The following NTNG1 variants were observed in gnomAD, a reference collection of about 807,000 sequenced individuals.
The protein encoded by NTNG1 is netrin G1.
Under a neutral mutation model 54.0 loss-of-function variants are expected in NTNG1, and 16 were observed. That is an observed-to-expected ratio of 0.30 (90% CI 0.20 to 0.45). The LOEUF is 0.45. Ranked by LOEUF, NTNG1 falls within the 20% of genes least tolerant of loss-of-function variation. The pLI is 1.00. For missense variants in NTNG1, 530 were observed against 678.7 expected (o/e 0.78, Z 2.43); for synonymous variants, 255 against 263.1 (o/e 0.97, Z 0.30).
intron 7 of NTNG1, among the ~76,000 whole-genome samples, chr1:107,472,320 C>T (rs1018865289): frequency 4.6e-5 from 7 of 152,180 alleles, no homozygotes; most frequent in African/African-American, 2.4e-5. Flanking sequence ...ATTTCTAACA[C>T]TTTGCCTTCA....
chr1:107,279,417 A>T (rs1385171416), intron 2 of NTNG1, among the ~76,000 whole-genome samples: 1 of 152,164 alleles, frequency 6.6e-6, no homozygotes, highest in Non-Finnish European at 1.5e-5. Context: ...AAAATTATTT[A>T]ACAACTAGCG....
At chr1:107,380,732 G>T (rs548261503) in intron 3 of NTNG1, among the ~76,000 whole-genome samples, 32 of 152,232 alleles carry the variant, frequency 2.1e-4, no homozygotes, top group African/African-American at 7.7e-4. Flanking sequence ...GCCATGGAAG[G>T]CCTTGCTCAG....
intron 3 of NTNG1, among the ~76,000 whole-genome samples, chr1:107,373,041 A>G (rs1345709402): frequency 2.6e-5 from 4 of 152,102 alleles, no homozygotes; most frequent in Admixed American, 6.6e-5. Context: ...TTGTTTAAAT[A>G]TCTATCCTAA....
chr1:107,148,931 A>G lies in NTNG1; in HGVS notation c.246+92A>G, dbSNP rs1266377985. 2.3e-6 allele frequency: 3 copies of G among 1,292,768 alleles called. No individual in the cohort carries two copies. The East Asian group carries it at 7.0e-5, about 30-fold the overall frequency. 80.1% of individuals were successfully genotyped at this position (1,292,768 alleles called of 1,614,324 possible). On this transcript the variant is annotated intron_variant, in intron 2 of 7. Transcript: ENST00000370068. ...TGGTGAGTGTGAAGACAATTCATGC[A>G]ATAAGTTGAATCTGCAGGTGGCAGA...
chr1:107,265,818 A>G (rs1418204611), intron 2 of NTNG1, among the ~76,000 whole-genome samples: 1 of 152,254 alleles, frequency 6.6e-6, no homozygotes, highest in African/African-American at 2.4e-5. Flanking sequence ...CTATGAATGC[A>G]TAGCAAAGAT....
At chr1:107,399,070 C>G (rs1672861351) in intron 4 of NTNG1, among the ~76,000 whole-genome samples, 2 of 151,942 alleles carry the variant, frequency 1.3e-5, no homozygotes, top group South Asian at 4.2e-4. Context: ...TTCTATGACC[C>G]ATAAAAGCAC....
chr1:107,179,293 T>A (rs1656890345), intron 2 of NTNG1, among the ~76,000 whole-genome samples: 1 of 152,204 alleles, frequency 6.6e-6, no homozygotes, highest in Admixed American at 6.5e-5. Context: ...TAAACCTTTC[T>A]TGTGGGAAAT....
chr1:107,201,222 T>C (rs558353339), intron 2 of NTNG1, among the ~76,000 whole-genome samples: 1 of 151,942 alleles, frequency 6.6e-6, no homozygotes, highest in South Asian at 2.1e-4. Flanking sequence ...CAACTATCAC[T>C]TTTAGGCATG....
intron 2 of NTNG1, among the ~76,000 whole-genome samples, chr1:107,198,283 T>C (rs2101257002): frequency 6.6e-6 from 1 of 152,102 alleles, no homozygotes; most frequent in East Asian, 1.9e-4. Flanking sequence ...AATTATATTG[T>C]GGAAGGAGAC....
At chr1:107,434,300 C>T (rs1675463872) in intron 6 of NTNG1, among the ~76,000 whole-genome samples, 1 of 152,148 alleles carries the variant, frequency 6.6e-6, no homozygotes, top group African/African-American at 2.4e-5. Flanking sequence ...TCCATGTTGC[C>T]ACAGTGATTG....
At chr1:107,436,049 G>A (rs1321106539) in intron 6 of NTNG1, among the ~76,000 whole-genome samples, 1 of 152,110 alleles carries the variant, frequency 6.6e-6, no homozygotes, top group Non-Finnish European at 1.5e-5. Context: ...AAAATTATTT[G>A]GGGTTACAAA....
chr1:107,441,794 T>G (rs971173014), intron 7 of NTNG1, among the ~76,000 whole-genome samples: 9 of 152,046 alleles, frequency 5.9e-5, no homozygotes, highest in African/African-American at 2.2e-4. Context: ...AATATGCAGG[T>G]GTTATGAAGA....
chr1:107,183,061 A>G (rs983478529), intron 2 of NTNG1, among the ~76,000 whole-genome samples: 1 of 152,160 alleles, frequency 6.6e-6, no homozygotes, highest in African/African-American at 2.4e-5. Flanking sequence ...AACACAGGTA[A>G]CAGAAGACTG....
intron 7 of NTNG1, among the ~76,000 whole-genome samples, chr1:107,449,720 TA>T (rs35613778): frequency 6.0e-4 from 87 of 145,662 alleles, no homozygotes; most frequent in East Asian, 1.6e-3. Flanking sequence ...TCTGCTGGAT[TA>T]AAAAAAAAAA....
At chr1:107,276,658 C>T (rs1301309022) in intron 2 of NTNG1, among the ~76,000 whole-genome samples, 2 of 151,982 alleles carry the variant, frequency 1.3e-5, no homozygotes, top group Middle Eastern at 3.4e-3. Flanking sequence ...GGGTCAAAGA[C>T]GAGGTCATAT....
At chr1:107,472,966 G>C (rs116820277) in intron 7 of NTNG1, among the ~76,000 whole-genome samples, 1 of 152,106 alleles carries the variant, frequency 6.6e-6, no homozygotes, top group Non-Finnish European at 1.5e-5. Context: ...ACACAGTCTC[G>C]AATGCCTAAA....
At chr1:107,382,865 GA>G (rs570924041) in intron 3 of NTNG1, among the ~76,000 whole-genome samples, 3,541 of 143,120 alleles carry the variant, frequency 0.025, 71 homozygotes, top group Middle Eastern at 0.039. Flanking sequence ...CAAATAAGAG[GA>G]AAAAAAAAAA....
chr1:107,347,909 T>C (rs762526826), intron 3 of NTNG1, among the ~76,000 whole-genome samples: 1 of 151,930 alleles, frequency 6.6e-6, no homozygotes, highest in Non-Finnish European at 1.5e-5. Flanking sequence ...TGGGGAAAAT[T>C]AGCCCCATGA....
In NTNG1 at chr1:107,484,276, T is replaced by C. The variant is rs1678901886; in HGVS notation, c.*3436T>C. 6.6e-6 allele frequency among the ~76,000 whole-genome samples: 1 copy of C among 151,460 alleles called. No individual in the cohort carries two copies. Among genetic ancestry groups the C allele is most frequent in the Non-Finnish European group, 1.5e-5 (1 of 67,858 alleles). On this transcript the variant is annotated 3_prime_UTR_variant, in exon 8 of 8. Coordinates refer to ENST00000370068, the MANE Select transcript of NTNG1 (RefSeq NM_001113226.3). ...GGCTGAAAAATAAAGGGATGAGGGG[T>C]AGGAAGGAGATAGACAAGGGCTACC...
Sources: gnomAD v4.1 joint callset for allele counts (sites outside exome capture counted in the v4.1 genomes callset) on GRCh38, gnomAD v4.1.1 for gene constraint, MANE v1.5 for transcripts, NCBI Gene and HGNC (gene_info 2026-07-23, HGNC 2026-07-21) for gene names.